The following ADCY3 variants were observed in gnomAD, a reference collection of about 807,000 sequenced individuals.
The protein encoded by ADCY3 is adenylate cyclase 3, also known as adenylate cyclase type 3.
ADCY3 carries 70 observed loss-of-function variants against 119.4 expected under a neutral mutation model. The observed-to-expected ratio is 0.59, with a 90% confidence interval of 0.48 to 0.72. The LOEUF is 0.72. Ranked by LOEUF, ADCY3 falls within the 30% of genes least tolerant of loss-of-function variation. The pLI, the probability that ADCY3 is intolerant of heterozygous loss-of-function variation, is 0.00. For synonymous variants in ADCY3, 672 were observed against 621.4 expected (o/e 1.08, Z -1.21); for missense variants, 1,238 against 1,541.6 (o/e 0.80, Z 3.30).
chr2:24,858,428 C>T (rs1673262115), intron 3 of ADCY3, among the ~76,000 whole-genome samples: 1 of 152,152 alleles, frequency 6.6e-6, no homozygotes, highest in Admixed American at 6.5e-5. Flanking sequence ...GGTCCAAGGA[C>T]TACCTAACTG....
chr2:24,831,572 CAG>C, intron 12 of ADCY3, 88 bp downstream of exon 12: 1 of 1,043,726 alleles, frequency 9.6e-7, no homozygotes, highest in Non-Finnish European at 1.5e-6. Context: ...TCAGATTTGA[CAG>C]AAAGAATAAC....
chr2:24,880,421 T>A (rs1015134059), intron 2 of ADCY3, among the ~76,000 whole-genome samples: 6 of 152,188 alleles, frequency 3.9e-5, no homozygotes, highest in Non-Finnish European at 2.9e-5. Flanking sequence ...CCAATCACAA[T>A]GGGCCTCTCT....
chr2:24,848,777 G>A lies in ADCY3; in HGVS notation c.826-6393C>T, dbSNP rs148169885. Reference sequence around the variant, plus strand: ...GACAGCAGGTGGCTCAAAAAGACAGGGCTTAATGTTCCTCTGGGCTTTGAA... The same window carrying A: ...GACAGCAGGTGGCTCAAAAAGACAGAGCTTAATGTTCCTCTGGGCTTTGAA... On this transcript the variant is annotated intron_variant, in intron 3 of 21. Transcript: ENST00000679454. Among the ~76,000 whole-genome samples the A allele has an allele frequency of 4.6e-3, 699 of 152,320 alleles. 7 individuals are homozygous for A. The highest frequency in any genetic ancestry group is 0.015 in the African/African-American group (637 of 41,562).
chr2:24,917,179 C>T (rs1172987861), intron 2 of ADCY3, among the ~76,000 whole-genome samples: 2 of 152,228 alleles, frequency 1.3e-5, no homozygotes, highest in Non-Finnish European at 2.9e-5. Flanking sequence ...GACCCAGGCA[C>T]TGACCTCCAT....
chr2:24,826,179 G>C, intron 15 of ADCY3, 53 bp from the exon 16 acceptor site: 1 of 1,522,160 alleles, frequency 6.6e-7, no homozygotes, highest in Non-Finnish European at 9.1e-7. Context: ...CTCCTGGAGG[G>C]GGCCTGATTC....
chr2:24,821,047 ACCCC>A, intron 20 of ADCY3, 199 bp from the exon 21 acceptor site: 1 of 532,514 alleles, frequency 1.9e-6, no homozygotes. Context: ...GTCAGCCGCC[ACCCC>A]CCCCCCATAT....
chr2:24,895,301 A>C (rs891170985), intron 2 of ADCY3, among the ~76,000 whole-genome samples: 2 of 149,630 alleles, frequency 1.3e-5, no homozygotes, highest in Admixed American at 6.6e-5. Flanking sequence ...ATGTTTGTCG[A>C]TGGTCTCGAT....
In ADCY3 at chr2:24,838,401, G is replaced by GGGGTGGGGTGGGTGGGGT. The variant is rs144091796; in HGVS notation, c.1533+26_1533+43dup. On this transcript the variant is annotated intron_variant, in intron 8 of 21. Transcript: ENST00000679454. ...TCCTCCTTTCCAACCCCCTAATCCAGGGGTGGGGTGGGTGGGGTGGGTGGG... is the reference window on the plus strand; with the variant it reads ...TCCTCCTTTCCAACCCCCTAATCCAGGGGTGGGGTGGGTGGGGTGGGTGGGGTGGGTGGGGTGGGTGGG... The GGGGTGGGGTGGGTGGGGT allele has an allele frequency of 6.6e-6, 10 of 1,504,248 alleles. No individual in the cohort carries two copies. The East Asian group carries it at 7.3e-5, about 11-fold the overall frequency. The allele number at this position is 1,504,248 out of a possible 1,614,324, so 93.2% of individuals were successfully genotyped here.
chr2:24,890,267 A>C (rs1053752302), intron 2 of ADCY3, among the ~76,000 whole-genome samples: 9 of 152,016 alleles, frequency 5.9e-5, no homozygotes, highest in Admixed American at 3.9e-4. Flanking sequence ...TGCATGAGGG[A>C]TATTCATCTG....
intron 2 of ADCY3, among the ~76,000 whole-genome samples, chr2:24,917,604 G>A (rs758024600): frequency 2.0e-5 from 3 of 152,148 alleles, no homozygotes; most frequent in South Asian, 2.1e-4. Context: ...AGTAGAAAGC[G>A]TGCTCCAGGA....
chr2:24,831,469 GCCT>G (rs1669497652), intron 12 of ADCY3, among the ~76,000 whole-genome samples, 190 bp downstream of exon 12: 1 of 152,248 alleles, frequency 6.6e-6, no homozygotes, highest in Non-Finnish European at 1.5e-5. Flanking sequence ...GCCTGCCACA[GCCT>G]GGTGGCCCAG....
chr2:24,911,952 T>A (rs1412009579), intron 2 of ADCY3, among the ~76,000 whole-genome samples: 1 of 152,316 alleles, frequency 6.6e-6, no homozygotes, highest in Admixed American at 6.5e-5. Flanking sequence ...CCTGGACAAG[T>A]CATTTCAGTT....
At chr2:24,849,863 C>T (rs893637518) in intron 3 of ADCY3, among the ~76,000 whole-genome samples, 4 of 152,278 alleles carry the variant, frequency 2.6e-5, no homozygotes, top group South Asian at 2.1e-4. Flanking sequence ...TCCCAGGTGC[C>T]GGCCGGCTCC....
At chr2:24,820,389 A>AACTGCC in intron 21 of ADCY3, 15 of 1,310,424 alleles carry the variant, frequency 1.1e-5, no homozygotes, top group Non-Finnish European at 1.5e-5. Flanking sequence ...GTTACCTGGA[A>AACTGCC]ACTGCCACTG....
At chr2:24,912,154 T>A (rs973476276) in intron 2 of ADCY3, among the ~76,000 whole-genome samples, 3 of 152,106 alleles carry the variant, frequency 2.0e-5, no homozygotes, top group African/African-American at 7.2e-5. Context: ...CCGTGGAATC[T>A]ATTATCAAGA....
rs527899434 is a variant in ADCY3, at chr2:24,819,878, TTTC to T, written c.*51_*53del. 1,582 of 1,577,532 alleles carry T rather than the reference TTTC, an allele frequency of 1.0e-3. 12 individuals are homozygous for T. In the African/African-American group the frequency reaches 0.019, roughly 19 times the overall value. On this transcript the variant is annotated 3_prime_UTR_variant, in exon 22 of 22. Transcript: ENST00000679454. ...CCAGGAAGGTCGGGACTTCCTTCAG[TTTC>T]AAAAAATAAATTCTCCCTTCCGGTT...
At chr2:24,861,872 G>A (rs1453195695) in intron 3 of ADCY3, among the ~76,000 whole-genome samples, 1 of 152,206 alleles carries the variant, frequency 6.6e-6, no homozygotes, top group Non-Finnish European at 1.5e-5. Context: ...GCATCTTGGA[G>A]CCCCAAAGGG....
At chr2:24,883,174 C>G (rs1319567080) in intron 2 of ADCY3, among the ~76,000 whole-genome samples, 3 of 152,012 alleles carry the variant, frequency 2.0e-5, no homozygotes, top group African/African-American at 7.3e-5. Flanking sequence ...ATAGTGAAAC[C>G]CCGTCTCTAC....
chr2:24,869,222 A>C (rs1411537174), intron 3 of ADCY3, among the ~76,000 whole-genome samples: 1 of 152,162 alleles, frequency 6.6e-6, no homozygotes, highest in African/African-American at 2.4e-5. Context: ...GAAAATATTA[A>C]GAATATTATG....
Sources: gnomAD v4.1 joint callset for allele counts (sites outside exome capture counted in the v4.1 genomes callset) on GRCh38, gnomAD v4.1.1 for gene constraint, MANE v1.5 for transcripts, NCBI Gene and HGNC (gene_info 2026-07-23, HGNC 2026-07-21) for gene names.